The following CTSC variants were observed in gnomAD, a reference collection of about 807,000 sequenced individuals.
CTSC encodes the protein dipeptidyl peptidase 1.
In CTSC, 37 loss-of-function variants were observed where a neutral mutation model predicts 40.9. The observed-to-expected ratio is 0.91, with a 90% CI of 0.70 to 1.19. The LOEUF (loss-of-function observed/expected upper bound fraction) is 1.19, where lower values mean the gene tolerates loss of function less well. CTSC is among the 50% of genes most tolerant of loss of function. CTSC has a pLI of 0.00. For missense variants in CTSC, 594 were observed against 567.3 expected, an observed-to-expected ratio of 1.05 and a Z score of -0.48; for synonymous variants, 232 against 207.4, an observed-to-expected ratio of 1.12 and a Z score of -1.02.
rs961287527 is a variant in CTSC, at chr11:88,300,584, A to G, written c.703T>C (p.Trp235Arg). 2.5e-6 allele frequency: 4 copies of G among 1,613,928 alleles called. No homozygotes were observed. Among genetic ancestry groups the G allele is most frequent in the Non-Finnish European group, 3.4e-6 (4 of 1,179,882 alleles). The change falls in exon 5 of 7, where the codon TGG becomes CGG. Residue 235 changes from tryptophan (W) to arginine (R), a missense_variant. Physicochemically the swap from Trp to Arg is moderately radical, Grantham distance 101 (BLOSUM62 -3). Coordinates refer to ENST00000227266, the MANE Select transcript of CTSC (RefSeq NM_001814.6). ...ATACCATGAACATTTCTCCAGTCCC[A>G]AGATGTTGGCAAATGCAAAATCTTT... ...QQKILHLPTS[W>R]DWRNVHGINF...
At chr11:88,302,774 A>C (rs538296501) in intron 4 of CTSC, among the ~76,000 whole-genome samples, 2 of 152,292 alleles carry the variant, frequency 1.3e-5, no homozygotes, top group South Asian at 4.1e-4. Flanking sequence ...ATTGTTCACT[A>C]ATTTTTTCTC....
At chr11:88,304,659 G>A (rs753341949) in intron 4 of CTSC, among the ~76,000 whole-genome samples, 1 of 152,212 alleles carries the variant, frequency 6.6e-6, no homozygotes. Flanking sequence ...GTCAGCACAA[G>A]ATTCAGGTCA....
At chr11:88,325,816 C>T (rs1173894348) in intron 2 of CTSC, 1 of 985,612 alleles carries the variant, frequency 1.0e-6, no homozygotes, top group Non-Finnish European at 1.2e-6. Flanking sequence ...CCTCTTTTTT[C>T]CCTTCTTTAA....
At chr11:88,320,507 G>T (rs1053771460) in intron 2 of CTSC, among the ~76,000 whole-genome samples, 3 of 152,210 alleles carry the variant, frequency 2.0e-5, no homozygotes, top group Non-Finnish European at 4.4e-5. Flanking sequence ...GCATTTCAAA[G>T]CTTCGGTCCT....
intron 2 of CTSC, chr11:88,322,460 T>C (rs1938045581): frequency 6.6e-6 from 1 of 152,214 alleles, no homozygotes; most frequent in Non-Finnish European, 1.5e-5. Flanking sequence ...ATTTTCTGCA[T>C]ATGGCTAGCC....
chr11:88,325,574 C>T (rs1189009659), intron 2 of CTSC: 2 of 985,186 alleles, frequency 2.0e-6, no homozygotes, highest in Non-Finnish European at 2.4e-6. Context: ...ACTCTGTGAG[C>T]TTAGCACTGT....
At chr11:88,305,044 GC>G (rs1182632962) in intron 4 of CTSC, among the ~76,000 whole-genome samples, 1 of 151,370 alleles carries the variant, frequency 6.6e-6, no homozygotes, top group African/African-American at 2.4e-5. Context: ...GTTGCAGTGA[GC>G]CAAGATTGCT....
At chr11:88,321,307 G>A (rs996914299) in intron 2 of CTSC, 2 of 152,174 alleles carry the variant, frequency 1.3e-5, no homozygotes, top group African/African-American at 4.8e-5. Context: ...ATCAGACCTT[G>A]GCAATGACCT....
intron 2 of CTSC, chr11:88,325,284 G>A: frequency 8.1e-6 from 8 of 985,372 alleles, no homozygotes; most frequent in Non-Finnish European, 9.6e-6. Flanking sequence ...GAGAAGGTAA[G>A]TTTTGGTCTT....
chr11:88,337,581 G>A lies in CTSC; in HGVS notation c.92C>T (p.Thr31Ile). The change falls in exon 1 of 7, where the codon ACC becomes ATC. Residue 31 changes from threonine to isoleucine, a missense_variant. Transcript: ENST00000227266. ...AVRCDTPANC[T>I]YLDLLGTWVF... ...CCAGGTGCCCAGCAGGTCAAGATAG[G>A]TGCAGTTGGCAGGTGTGTCGCAGCG... 1.3e-6 allele frequency: 2 copies of A among 1,577,816 alleles called. No homozygotes were observed. Among genetic ancestry groups the A allele is most frequent in the Non-Finnish European group, 1.7e-6 (2 of 1,160,936 alleles).
At chr11:88,318,570 T>C (rs1194021571) in intron 2 of CTSC, among the ~76,000 whole-genome samples, 3 of 152,208 alleles carry the variant, frequency 2.0e-5, no homozygotes, top group African/African-American at 7.2e-5. Context: ...CAGCGGAACA[T>C]TGGAAACAAA....
Position 88,325,177 on chromosome 11 carries a change from T to C in CTSC, c.318+9760A>G, listed in dbSNP as rs180736702. 331 of 984,616 alleles carry C rather than the reference T, an allele frequency of 3.4e-4. 1 individual carries two copies. The African/African-American group carries it at 5.4e-3, about 16-fold the overall frequency. 61.0% of individuals were successfully genotyped at this position (984,616 alleles called of 1,614,324 possible). On this transcript the variant is annotated intron_variant, in intron 2 of 6. Coordinates refer to ENST00000227266, the MANE Select transcript of CTSC (RefSeq NM_001814.6). Reference sequence around the variant, plus strand: ...AAGATAGCAATCAGTTGAACAATACTGTAATTAAGATTAGTAAATTTGACT... The same window carrying C: ...AAGATAGCAATCAGTTGAACAATACCGTAATTAAGATTAGTAAATTTGACT...
At chr11:88,318,346 T>C (rs1269632378) in intron 2 of CTSC, among the ~76,000 whole-genome samples, 1 of 152,222 alleles carries the variant, frequency 6.6e-6, no homozygotes, top group Non-Finnish European at 1.5e-5. Flanking sequence ...ATATCTATAA[T>C]TGATACTACT....
intron 2 of CTSC, among the ~76,000 whole-genome samples, chr11:88,316,212 A>C (rs1937873879): frequency 6.6e-6 from 1 of 152,172 alleles, no homozygotes; most frequent in Non-Finnish European, 1.5e-5. Context: ...AGAAAGAATA[A>C]TGCCTTCAGG....
rs773677246 is a variant in CTSC at position 88,296,153 on chromosome 11, G to A, written c.869C>T (p.Ser290Phe). Residue 290 changes from serine to phenylalanine, a missense_variant, in exon 6 of 7, where the codon TCT (serine) becomes TTT (phenylalanine). Coordinates refer to ENST00000227266, the MANE Select transcript of CTSC (RefSeq NM_001814.6). Reference protein sequence around the residue: ...TPILSPQEVVSCSQYAQGCEG... With the variant: ...TPILSPQEVVFCSQYAQGCEG... The stretch of plus-strand genomic sequence containing the variant: ...CTTACCTTGAGCATACTGGCTACAA[G>A]ACACAACCTCCTGAGGGCTTAGGAT... 2 of 1,613,934 alleles carry A rather than the reference G, an allele frequency of 1.2e-6. No individual in the cohort carries two copies. Among genetic ancestry groups the A allele is most frequent in the Non-Finnish European group, 1.7e-6 (2 of 1,179,914 alleles).
At chr11:88,332,082 T>A (rs1938376233) in intron 2 of CTSC, among the ~76,000 whole-genome samples, 1 of 152,176 alleles carries the variant, frequency 6.6e-6, no homozygotes, top group East Asian at 1.9e-4. Flanking sequence ...AGTTGTAGGG[T>A]TCCAGTCAGT....
chr11:88,325,993 T>C, intron 2 of CTSC: 6 of 1,011,422 alleles, frequency 5.9e-6, no homozygotes, highest in Non-Finnish European at 7.1e-6. Context: ...AAATTTACGC[T>C]GTGAATAAAA....
intron 2 of CTSC, among the ~76,000 whole-genome samples, chr11:88,330,921 A>G (rs1383170703): frequency 6.6e-6 from 1 of 152,224 alleles, no homozygotes; most frequent in African/African-American, 2.4e-5. Context: ...TAGCAATAGG[A>G]GCTATTCTGA....
intron 4 of CTSC, among the ~76,000 whole-genome samples, chr11:88,306,427 GC>G (rs773055865): frequency 6.6e-6 from 1 of 151,976 alleles, no homozygotes; most frequent in Non-Finnish European, 1.5e-5. Context: ...CTTTTGGCCC[GC>G]CATGCCCCCC....
Sources: allele counts gnomAD v4.1 joint callset (sites outside exome capture counted in the v4.1 genomes callset), GRCh38; gene constraint gnomAD v4.1.1; transcripts MANE v1.5; gene names NCBI Gene and HGNC (gene_info 2026-07-23, HGNC 2026-07-21).